Variants in RB1 observed in about 807,000 individuals in gnomAD.
The protein encoded by RB1 is retinoblastoma-associated protein.
RB1 carries 18 observed loss-of-function variants against 135.4 expected under a neutral mutation model. The observed-to-expected ratio is 0.13, with a 90% confidence interval of 0.09 to 0.20. The LOEUF is 0.20. Among genes scored for constraint, RB1 ranks in the 10% least tolerant of loss-of-function variants. The pLI is 1.00. For synonymous variants in RB1, 365 were observed against 373.2 expected (o/e 0.98, Z 0.25); for missense variants, 868 against 1,110.0 (o/e 0.78, Z 3.10).
At chr13:48,346,682 C>T (rs958620183) in intron 4 of RB1, among the ~76,000 whole-genome samples, 12 of 151,776 alleles carry the variant, frequency 7.9e-5, no homozygotes, top group Non-Finnish European at 1.6e-4. Context: ...AGAATAATGG[C>T]AATATTGGCA....
At chr13:48,318,372 T>G in intron 2 of RB1, 2 of 1,475,672 alleles carry the variant, frequency 1.4e-6, no homozygotes, top group Non-Finnish European at 1.8e-6. Flanking sequence ...CTTCTTGAGC[T>G]TTCGCTTGGA....
intron 23 of RB1, among the ~76,000 whole-genome samples, chr13:48,471,752 G>A (rs1225369217): frequency 6.6e-6 from 1 of 151,992 alleles, no homozygotes; most frequent in Non-Finnish European, 1.5e-5. Context: ...GTTACTTTAG[G>A]TTGAGTACTT....
intron 2 of RB1, among the ~76,000 whole-genome samples, chr13:48,315,772 C>G (rs1260285383): frequency 6.6e-6 from 1 of 152,130 alleles, no homozygotes; most frequent in African/African-American, 2.4e-5. Flanking sequence ...TCAGTTGATT[C>G]CATACTTTTG....
At chr13:48,473,702 A>T (rs957756167) in intron 24 of RB1, among the ~76,000 whole-genome samples, 5 of 152,146 alleles carry the variant, frequency 3.3e-5, no homozygotes, top group African/African-American at 1.2e-4. Flanking sequence ...TCTATCACCA[A>T]ATGTGTGAGA....
In RB1 at chr13:48,364,379, G is replaced by A. The variant is rs528023435; in HGVS notation, c.862-515G>A. Reference sequence around the variant, plus strand: ...CAGATGCCTGCTGTTTCAGGCGGACGATTTTTGTTAACAGATGACATAAAC... The same window carrying A: ...CAGATGCCTGCTGTTTCAGGCGGACAATTTTTGTTAACAGATGACATAAAC... On this transcript the variant is annotated intron_variant, in intron 8 of 26. Transcript: ENST00000267163. Among the ~76,000 whole-genome samples the A allele has an allele frequency of 3.9e-5, 6 of 152,168 alleles. No homozygotes were observed. The South Asian group carries it at 6.2e-4, about 16-fold the overall frequency.
At chr13:48,464,848 AT>A (rs1291499433) in intron 21 of RB1, 149 bp from the exon 22 acceptor site, 4 of 821,404 alleles carry the variant, frequency 4.9e-6, no homozygotes, top group East Asian at 3.2e-5. Context: ...TTTATTTATT[AT>A]TTTTTCCTTT....
chr13:48,366,030 A>G (rs1298387062), intron 9 of RB1, among the ~76,000 whole-genome samples: 6 of 152,218 alleles, frequency 3.9e-5, no homozygotes, highest in Admixed American at 3.9e-4. Flanking sequence ...TGGACATTGT[A>G]GATTCAAAGG....
At chr13:48,382,552 T>G (rs536266059) in intron 17 of RB1, among the ~76,000 whole-genome samples, 1 of 152,350 alleles carries the variant, frequency 6.6e-6, no homozygotes, top group Admixed American at 6.5e-5. Flanking sequence ...GTTGATTTTT[T>G]CTTGTAAATT....
At chr13:48,306,831 TG>T (rs554004274) in intron 1 of RB1, among the ~76,000 whole-genome samples, 3 of 152,256 alleles carry the variant, frequency 2.0e-5, no homozygotes, top group Non-Finnish European at 2.9e-5. Flanking sequence ...AGTCGCATCA[TG>T]TAAGATGTGC....
chr13:48,362,315 ATT>A (rs5803431), intron 7 of RB1, among the ~76,000 whole-genome samples: 5 of 151,332 alleles, frequency 3.3e-5, no homozygotes, highest in African/African-American at 1.2e-4. Flanking sequence ...AATCCAGGAG[ATT>A]TTTTTTTTAA....
At chr13:48,449,619 G>A (rs536368513) in intron 17 of RB1, among the ~76,000 whole-genome samples, 196 of 151,866 alleles carry the variant, frequency 1.3e-3, no homozygotes, top group Non-Finnish European at 2.5e-3. Flanking sequence ...AAAATTAGCT[G>A]GGCACCATGG....
At chr13:48,411,444 T>C (rs751208139) in intron 17 of RB1, 1 of 1,613,382 alleles carries the variant, frequency 6.2e-7, no homozygotes, top group South Asian at 1.1e-5. Flanking sequence ...TAGGTTATGC[T>C]GAATAAAATT....
chr13:48,303,839 G>A lies in RB1; in HGVS notation c.-74G>A. 2 of 1,493,806 alleles carry A rather than the reference G, an allele frequency of 1.3e-6. No homozygotes were observed. Among genetic ancestry groups the A allele is most frequent in the Admixed American group, 2.2e-5 (1 of 45,980 alleles). The allele number at this position is 1,493,806 out of a possible 1,614,324, so 92.5% of individuals were successfully genotyped here. On this transcript the variant is annotated 5_prime_UTR_variant, in exon 1 of 27. Transcript: ENST00000267163. ...CGGGAGTCGGGAGAGGACGGGGCGT[G>A]CCCCGACGTGCGCGCGCGTCGTCCT...
intron 17 of RB1, chr13:48,415,557 G>T (rs1368869790): frequency 6.6e-6 from 1 of 152,244 alleles, no homozygotes; most frequent in Non-Finnish European, 1.5e-5. Context: ...GGGATTCCAT[G>T]TGTGAGCCAC....
At position 48,320,207 on chromosome 13, in the gene RB1, G is replaced by C. The variant is rs1043302617; in HGVS notation, c.264+12801G>C. On this transcript the variant is annotated intron_variant, in intron 2 of 26. Coordinates refer to ENST00000267163, the MANE Select transcript of RB1 (RefSeq NM_000321.3). ...ACAAGACCACAGGCAGGCAATGCGG[G>C]CTGCTCCTTGTGCACGGTGGGCTTG... The C allele has an allele frequency of 7.1e-6, 7 of 981,482 alleles. No individual in the cohort carries two copies. In the Admixed American group the frequency reaches 1.1e-4, roughly 16 times the overall value. 60.8% of individuals were successfully genotyped at this position (981,482 alleles called of 1,614,324 possible).
At chr13:48,327,449 T>G (rs527882608) in intron 2 of RB1, among the ~76,000 whole-genome samples, 1 of 152,308 alleles carries the variant, frequency 6.6e-6, no homozygotes, top group East Asian at 1.9e-4. Context: ...TAAGGTGAAG[T>G]GGGCTATTTC....
At position 48,380,089 on chromosome 13, in the gene RB1, A is replaced by C; in HGVS notation, c.1421+5A>C. On this transcript the variant is annotated splice_donor_5th_base_variant and intron_variant, in intron 15 of 26. Coordinates refer to ENST00000267163, the MANE Select transcript of RB1 (RefSeq NM_000321.3). ...ATTATCCATTCAAAATTTTAGGTAA[A>C]TTTTTTACTTTTAGTAAAAAATTTT... The C allele has an allele frequency of 7.1e-7, 1 of 1,412,166 alleles. No homozygotes were observed. Among genetic ancestry groups the C allele is most frequent in the Non-Finnish European group, 9.5e-7 (1 of 1,049,576 alleles). 87.5% of individuals were successfully genotyped at this position (1,412,166 alleles called of 1,614,324 possible).
chr13:48,362,208 A>G (rs971650340), intron 7 of RB1, among the ~76,000 whole-genome samples: 1 of 152,106 alleles, frequency 6.6e-6, no homozygotes, highest in East Asian at 1.9e-4. Flanking sequence ...GGCCTCCCAA[A>G]GTGCTAGGAT....
At chr13:48,380,013 TAAAC>T (rs1948518340) in intron 14 of RB1, 36 bp from the exon 15 acceptor site, 2 of 1,195,494 alleles carry the variant, frequency 1.7e-6, no homozygotes, top group Non-Finnish European at 2.3e-6. Flanking sequence ...AGGTTTCAAT[TAAAC>T]AACTTCTTTT....
Sources: allele counts gnomAD v4.1 joint callset (sites outside exome capture counted in the v4.1 genomes callset), GRCh38; gene constraint gnomAD v4.1.1; transcripts MANE v1.5; gene names NCBI Gene and HGNC (gene_info 2026-07-23, HGNC 2026-07-21).